Variants in LARP4B observed in about 807,000 individuals in gnomAD.
The protein encoded by LARP4B is La ribonucleoprotein 4B, also known as la-related protein 4B.
A neutral mutation model predicts 89.8 loss-of-function variants in LARP4B; 12 were observed. The observed-to-expected ratio is 0.13, with a 90% CI of 0.09 to 0.22. The LOEUF (loss-of-function observed/expected upper bound fraction) is 0.22. Ranked by LOEUF, LARP4B falls within the 10% of genes least tolerant of loss-of-function variation. The pLI is 1.00. For missense variants in LARP4B, 757 were observed against 947.7 expected, an observed-to-expected ratio of 0.80 and a Z score of 2.64; for synonymous variants, 367 against 363.3, an observed-to-expected ratio of 1.01 and a Z score of -0.12.
chr10:979,670 C>T, the LARP4B span, among the ~76,000 whole-genome samples: 1 of 152,196 alleles, frequency 6.6e-6, no homozygotes, highest in Non-Finnish European at 1.5e-5. Context: ...CCAGCTAACA[C>T]TTCTGTTAAT....
At position 900,038 on chromosome 10, in the gene LARP4B, A is replaced by C. The variant is rs183661822; in HGVS notation, c.-39-14278T>G. ...AAAAAAAAAATGATCACAGAAGCTAAATCAAATCATCAGAAGCACAATCAT... is the reference window on the plus strand; with the variant it reads ...AAAAAAAAAATGATCACAGAAGCTACATCAAATCATCAGAAGCACAATCAT... On this transcript the variant is annotated intron_variant, in intron 1 of 17. Coordinates refer to ENST00000316157, the MANE Select transcript of LARP4B (RefSeq NM_015155.3). Among the ~76,000 whole-genome samples, 741 of 152,266 alleles carry C rather than the reference A, an allele frequency of 4.9e-3. 5 individuals are homozygous for C. The highest frequency in any genetic ancestry group is 8.7e-3 in the Non-Finnish European group (589 of 68,022).
intron 3 of LARP4B, among the ~76,000 whole-genome samples, chr10:875,060 T>C (rs576558943): frequency 1.6e-4 from 25 of 152,290 alleles, no homozygotes; most frequent in African/African-American, 5.3e-4. Flanking sequence ...AGACCATACA[T>C]TGACCATACT....
chr10:951,143 C>T, the LARP4B span, among the ~76,000 whole-genome samples: 8 of 152,272 alleles, frequency 5.3e-5, no homozygotes, highest in East Asian at 1.2e-3. Flanking sequence ...TGCCTTGTTC[C>T]TGATCTTAGG....
At chr10:895,051 C>A (rs553719873) in intron 1 of LARP4B, among the ~76,000 whole-genome samples, 1 of 151,940 alleles carries the variant, frequency 6.6e-6, no homozygotes, top group East Asian at 1.9e-4. Flanking sequence ...CTGCGCATGG[C>A]GGCGTGTGCC....
intron 3 of LARP4B, among the ~76,000 whole-genome samples, chr10:870,981 TC>T (rs1186419522): frequency 7.2e-5 from 11 of 152,236 alleles, no homozygotes; most frequent in African/African-American, 2.7e-4. Flanking sequence ...AAATCAGCGT[TC>T]TCTGTTGCAC....
chr10:809,457 GC>G (rs1831661110), downstream of LARP4B: 1 of 152,142 alleles, frequency 6.6e-6, no homozygotes, highest in Middle Eastern at 3.2e-3. Context: ...TCTTTCTCAT[GC>G]ACTTATGGGA....
chr10:886,320 CAG>C (rs1835856115), intron 1 of LARP4B, among the ~76,000 whole-genome samples: 1 of 152,166 alleles, frequency 6.6e-6, no homozygotes, highest in Non-Finnish European at 1.5e-5. Context: ...CAAGAGATAA[CAG>C]GGCGTGGAAG....
At chr10:923,455 T>C (rs1388304799) in intron 1 of LARP4B, among the ~76,000 whole-genome samples, 1 of 150,792 alleles carries the variant, frequency 6.6e-6, no homozygotes, top group African/African-American at 2.4e-5. Flanking sequence ...CAGGAAGAAG[T>C]GTGACTGCTC....
intron 1 of LARP4B, among the ~76,000 whole-genome samples, chr10:893,407 T>G (rs146869409): frequency 6.6e-6 from 1 of 152,202 alleles, no homozygotes; most frequent in African/African-American, 2.4e-5. Flanking sequence ...AAAGGAGATA[T>G]GAATACAAAA....
chr10:813,003 C>T lies in LARP4B; in HGVS notation c.2140G>A (p.Gly714Arg), dbSNP rs1337319874. ...ATGGCCGAGGGCGAGGGCCGGCCCC[C>T]CGCCGGCCGCCTCTGGTCTCTGGGG... is the stretch of plus-strand genomic sequence containing the variant. ...GAPRDQRRPA[G>R]GRPSPSAMGK... Residue 714 changes from glycine (G) to arginine (R), a missense_variant, in exon 18 of 18, where the codon GGG (glycine) becomes AGG (arginine). Transcript: ENST00000316157. The T allele has an allele frequency of 2.5e-6, 4 of 1,592,928 alleles. No individual in the cohort carries two copies. Among genetic ancestry groups the T allele is most frequent in the Non-Finnish European group, 3.4e-6 (4 of 1,174,990 alleles).
upstream of LARP4B, among the ~76,000 whole-genome samples, chr10:936,014 G>A (rs934189407): frequency 2.6e-5 from 4 of 151,806 alleles, no homozygotes; most frequent in South Asian, 2.1e-4. Context: ...AAAAATGCTG[G>A]GATTACAGGT....
chr10:826,967 C>T (rs1314547055), intron 11 of LARP4B, among the ~76,000 whole-genome samples: 1 of 152,146 alleles, frequency 6.6e-6, no homozygotes, highest in Non-Finnish European at 1.5e-5. Flanking sequence ...CTGTAAGAAT[C>T]GGACTTTTTA....
chr10:858,419 T>C (rs1217731413), intron 5 of LARP4B, among the ~76,000 whole-genome samples: 2 of 152,188 alleles, frequency 1.3e-5, no homozygotes, highest in African/African-American at 2.4e-5. Context: ...AAGATCTAAA[T>C]GTAAGACCCG....
At chr10:922,675 T>A (rs562698353) in intron 1 of LARP4B, among the ~76,000 whole-genome samples, 9 of 146,194 alleles carry the variant, frequency 6.2e-5, no homozygotes, top group African/African-American at 2.0e-4. Context: ...ACCCCGTCTG[T>A]TAAATAAATA....
chr10:916,550 C>A (rs1267208800), intron 1 of LARP4B, among the ~76,000 whole-genome samples: 2 of 152,150 alleles, frequency 1.3e-5, no homozygotes, highest in East Asian at 3.8e-4. Context: ...ACAAAACTAG[C>A]CAGGCGTGGT....
chr10:933,167 G>C (rs774078526), upstream of LARP4B: 3 of 152,268 alleles, frequency 2.0e-5, no homozygotes, highest in Non-Finnish European at 4.4e-5. Context: ...TTTCTGCTCT[G>C]ATTGGCTACA....
At chr10:844,737 G>A (rs528579277) in intron 6 of LARP4B, among the ~76,000 whole-genome samples, 8 of 151,884 alleles carry the variant, frequency 5.3e-5, no homozygotes, top group South Asian at 2.1e-4. Context: ...CAGGGCGGGC[G>A]GGGCACTTTA....
chr10:962,336 TG>T, the LARP4B span, among the ~76,000 whole-genome samples: 2 of 151,906 alleles, frequency 1.3e-5, no homozygotes, highest in Non-Finnish European at 2.9e-5. Context: ...CCAATCCTTT[TG>T]GGTTCGGGCC....
the LARP4B span, among the ~76,000 whole-genome samples, chr10:939,323 A>T: frequency 2.0e-5 from 3 of 152,096 alleles, no homozygotes; most frequent in Non-Finnish European, 4.4e-5. Flanking sequence ...GCCTGTTAGG[A>T]GGTTTAGGGT....
Sources: gnomAD v4.1 joint callset for allele counts (sites outside exome capture counted in the v4.1 genomes callset) on GRCh38, gnomAD v4.1.1 for gene constraint, MANE v1.5 for transcripts, NCBI Gene and HGNC (gene_info 2026-07-23, HGNC 2026-07-21) for gene names.